TFG: variants seen among roughly 807,000 people sequenced by gnomAD.
TFG encodes protein TFG.
Under a neutral mutation model 51.4 loss-of-function variants are expected in TFG, and 22 were observed. The ratio of observed to expected loss-of-function variants is 0.43; its 90% CI spans 0.31 to 0.61. The LOEUF (loss-of-function observed/expected upper bound fraction) is 0.61, where lower values mean the gene tolerates loss of function less well. Ranked by LOEUF, TFG falls within the 20% of genes least tolerant of loss-of-function variation. TFG has a pLI of 0.12. For synonymous variants in TFG, 187 were observed against 165.6 expected (o/e 1.13, Z -0.99); for missense variants, 419 against 487.7 (o/e 0.86, Z 1.33).
At chr3:100,711,777 T>A (rs2095031966) in intron 1 of TFG, among the ~76,000 whole-genome samples, 1 of 152,202 alleles carries the variant, frequency 6.6e-6, no homozygotes, top group South Asian at 2.1e-4. Flanking sequence ...TATTGAAAGG[T>A]CTTTATTACT....
rs78201157 is a variant in TFG at position 100,730,502 on chromosome 3, A to G, written c.415+1644A>G. On this transcript the variant is annotated intron_variant, in intron 4 of 7. Transcript: ENST00000240851. ...GACATATCTGATGATAAGATGATAT[A>G]AGAATAATACAATCTGCATTATATT... Among the ~76,000 whole-genome samples, 28 of 152,350 alleles carry G rather than the reference A, an allele frequency of 1.8e-4. No individual in the cohort carries two copies. In the East Asian group the frequency reaches 5.2e-3, roughly 28 times the overall value.
rs559384039 is a variant in TFG at position 100,715,009 on chromosome 3, T to G, written c.184+1140T>G. Among the ~76,000 whole-genome samples the G allele has an allele frequency of 5.9e-5, 9 of 152,344 alleles. No homozygotes were observed. The East Asian group carries it at 1.7e-3, about 29-fold the overall frequency. Reference sequence around the variant, plus strand: ...TACCAGTGTTTTTTACTGTGGAACTTACTTGCAGTGTATTTAATCTTGACC... The same window carrying G: ...TACCAGTGTTTTTTACTGTGGAACTGACTTGCAGTGTATTTAATCTTGACC... On this transcript the variant is annotated intron_variant, in intron 2 of 7. Coordinates refer to ENST00000240851, the MANE Select transcript of TFG (RefSeq NM_006070.6).
chr3:100,728,611 T>C, intron 3 of TFG, 101 bp from the exon 4 acceptor site: 2 of 1,034,022 alleles, frequency 1.9e-6, no homozygotes, highest in East Asian at 2.9e-5. Context: ...ATCTTGTTTT[T>C]GTTTTTTTAA....
At chr3:100,718,216 T>G (rs1472601885) in intron 2 of TFG, among the ~76,000 whole-genome samples, 4 of 152,216 alleles carry the variant, frequency 2.6e-5, no homozygotes, top group Non-Finnish European at 4.4e-5. Flanking sequence ...CATGAGCCAG[T>G]GTGCCTGGCC....
At position 100,748,561 on chromosome 3, in the gene TFG, T is replaced by C; in HGVS notation, c.*30T>C. On this transcript the variant is annotated 3_prime_UTR_variant, in exon 8 of 8. Transcript: ENST00000240851. ...GCTCCTCTACACCAATTAATGTAGC[T>C]GCTAGCTATTGGCCTCCCAAAAGAC... The C allele has an allele frequency of 1.3e-6, 2 of 1,567,186 alleles. No individual in the cohort carries two copies. The highest frequency in any genetic ancestry group is 2.3e-5 in the East Asian group (1 of 44,222).
chr3:100,744,988 A>T (rs2095131256), intron 7 of TFG, 57 bp downstream of exon 7: 2 of 1,064,128 alleles, frequency 1.9e-6, no homozygotes, highest in African/African-American at 3.2e-5. Flanking sequence ...TACTCATTAA[A>T]CTTTAAGTTC....
chr3:100,721,920 G>A (rs1348979102), intron 3 of TFG, among the ~76,000 whole-genome samples: 9 of 152,250 alleles, frequency 5.9e-5, no homozygotes, highest in Admixed American at 3.9e-4. Flanking sequence ...GGAGGCCAAG[G>A]CGGGCGGATT....
Position 100,709,540 on chromosome 3 carries a change from T to G in TFG, c.-225T>G, listed in dbSNP as rs1015316655. The stretch of plus-strand genomic sequence containing the variant: ...TACAGAGCCCAAGTTCTCGCTAGGC[T>G]TGTTGGGTCAGCGCGATTGGCCGGG... On this transcript the variant is annotated 5_prime_UTR_variant, in exon 1 of 8. Transcript: ENST00000240851. 1 of 151,870 alleles carries G rather than the reference T, an allele frequency of 6.6e-6. No homozygotes were observed. The highest frequency in any genetic ancestry group is 1.5e-5 in the Non-Finnish European group (1 of 67,950). 9.4% of individuals were successfully genotyped at this position (151,870 alleles called of 1,614,324 possible). A position where few individuals can be genotyped will look rare whatever the true frequency, so the allele number is the denominator to read the frequency against.
At chr3:100,718,038 A>G (rs1022003457) in intron 2 of TFG, among the ~76,000 whole-genome samples, 1 of 151,584 alleles carries the variant, frequency 6.6e-6, no homozygotes, top group Non-Finnish European at 1.5e-5. Context: ...AGTCCTTGCA[A>G]CTCAGCCTCC....
At chr3:100,727,928 G>A (rs1332343057) in intron 3 of TFG, among the ~76,000 whole-genome samples, 1 of 152,174 alleles carries the variant, frequency 6.6e-6, no homozygotes, top group East Asian at 1.9e-4. Context: ...CCCCTCCCGG[G>A]ATCAAGCAAT....
At chr3:100,747,727 A>T (rs9817550) in intron 7 of TFG, among the ~76,000 whole-genome samples, 1 of 152,132 alleles carries the variant, frequency 6.6e-6, no homozygotes, top group African/African-American at 2.4e-5. Flanking sequence ...GTACAATAAG[A>T]TGTATTTATA....
chr3:100,731,667 G>A (rs13327329), intron 4 of TFG, among the ~76,000 whole-genome samples: 4,520 of 151,916 alleles, frequency 0.03, 185 homozygotes, highest in African/African-American at 0.092. Context: ...AGTGATTCTC[G>A]TGACTCAGCC....
chr3:100,740,225 A>G (rs2095117696), intron 6 of TFG, among the ~76,000 whole-genome samples: 1 of 152,226 alleles, frequency 6.6e-6, no homozygotes, highest in Non-Finnish European at 1.5e-5. Context: ...AAAGTTAATT[A>G]TCTCATACAG....
At chr3:100,736,333 G>C (rs547343695) in intron 5 of TFG, among the ~76,000 whole-genome samples, 1 of 152,020 alleles carries the variant, frequency 6.6e-6, no homozygotes, top group Non-Finnish European at 1.5e-5. Flanking sequence ...TGCAGGGAGA[G>C]GTTAAGACTC....
In TFG at chr3:100,713,856, G is replaced by C; in HGVS notation, c.171G>C (p.Lys57Asn). The stretch of plus-strand genomic sequence containing the variant: ...TGAGTAATGATGAAGTAACAATAAA[G>C]TATAAAGATGAAGGTAAGAGTGTTT... The part of the protein sequence containing the change: ...KLLSNDEVTI[K>N]YKDEDGDLIT... Residue 57 changes from lysine (K) to asparagine (N), a missense_variant, in exon 2 of 8, where the codon AAG (lysine) becomes AAC (asparagine). Around this residue, in one of 3 missense-constraint regions of TFG, gnomAD observed 391 missense variants for 434.4 expected, o/e 0.90. Transcript: ENST00000240851. The C allele has an allele frequency of 6.7e-7, 1 of 1,499,802 alleles. No individual in the cohort carries two copies. The allele number at this position is 1,499,802 out of a possible 1,614,324, so 92.9% of individuals were successfully genotyped here. A position where few individuals can be genotyped will look rare whatever the true frequency, so the allele number is the denominator to read the frequency against.
At chr3:100,709,486 C>T (rs1014368895), upstream of TFG, 1 of 152,522 alleles carries the variant, frequency 6.6e-6, no homozygotes, top group Non-Finnish European at 1.5e-5. Flanking sequence ...TTTCTTGCTC[C>T]CGCCTCTGTT....
chr3:100,732,533 G>T lies in TFG; in HGVS notation c.441G>T (p.Lys147Asn). ...ENDTVDGREE[K>N]SASDSSGKQS... The stretch of plus-strand genomic sequence containing the variant: ...ATACTGTGGATGGTAGGGAAGAAAA[G>T]TCTGCTTCTGATTCTTCTGGAAAAC... Residue 147 changes from lysine to asparagine, a missense_variant, in exon 5 of 8, where the codon AAG becomes AAT. By Grantham distance (94) the Lys-to-Asn change is moderately conservative. Transcript: ENST00000240851. The T allele has an allele frequency of 6.2e-7, 1 of 1,611,136 alleles. No homozygotes were observed. Among genetic ancestry groups the T allele is most frequent in the Non-Finnish European group, 8.5e-7 (1 of 1,178,896 alleles).
Position 100,714,402 on chromosome 3 carries a change from G to A in TFG, c.184+533G>A, listed in dbSNP as rs549912850. 2.3e-3 allele frequency among the ~76,000 whole-genome samples: 353 copies of A among 152,120 alleles called. 1 individual carries two copies. Among genetic ancestry groups the A allele is most frequent in the African/African-American group, 8.3e-3 (346 of 41,514 alleles). On this transcript the variant is annotated intron_variant, in intron 2 of 7. Coordinates refer to ENST00000240851, the MANE Select transcript of TFG (RefSeq NM_006070.6). ...TGTAATCCCAACTACTCGGGAGGAT[G>A]AGGCAGAGAATTACTTGAACCCGGG...
At chr3:100,730,714 A>G (rs1255782082) in intron 4 of TFG, among the ~76,000 whole-genome samples, 1 of 152,114 alleles carries the variant, frequency 6.6e-6, no homozygotes, top group Non-Finnish European at 1.5e-5. Context: ...CGGTTCTTGG[A>G]TGCTTGTTTT....
Sources: gnomAD v4.1 joint callset for allele counts (sites outside exome capture counted in the v4.1 genomes callset) on GRCh38, gnomAD v4.1.1 for gene constraint, gnomAD v4.1.1 regional missense constraint, MANE v1.5 for transcripts, NCBI Gene and HGNC (gene_info 2026-07-23, HGNC 2026-07-21) for gene names.